The following GMDS variants were observed in gnomAD, a reference collection of about 807,000 sequenced individuals.
The protein encoded by GMDS is GDP-mannose 4,6 dehydratase.
GMDS carries 20 observed loss-of-function variants against 49.9 expected under a neutral mutation model. That is an observed-to-expected ratio of 0.40 (90% confidence interval 0.28 to 0.58). GMDS has a LOEUF of 0.58. Ranked by LOEUF, GMDS falls within the 20% of genes least tolerant of loss-of-function variation. GMDS has a pLI of 0.42. For missense variants in GMDS, 362 were observed against 481.4 expected (o/e 0.75, Z 2.32); for synonymous variants, 177 against 178.6 (o/e 0.99, Z 0.07).
chr6:2,216,596 G>A (rs781622122), intron 1 of GMDS, among the ~76,000 whole-genome samples: 1 of 152,198 alleles, frequency 6.6e-6, no homozygotes, highest in African/African-American at 2.4e-5. Context: ...GTGGCAGCAC[G>A]CACCTGCAGT....
rs182153972 is a variant in GMDS at position 2,110,092 on chromosome 6, G to A, written c.345+5679C>T. Among the ~76,000 whole-genome samples the A allele has an allele frequency of 7.0e-4, 106 of 152,172 alleles. 1 individual carries two copies. The highest frequency in any genetic ancestry group is 2.4e-3 in the African/African-American group (100 of 41,510). On this transcript the variant is annotated intron_variant, in intron 4 of 10. Transcript: ENST00000380815. Reference sequence around the variant, plus strand: ...CCCCCTATCCTTACTGTAATTACACGGTAAAGGGCCACGCTGTTGCAATTT... The same window carrying A: ...CCCCCTATCCTTACTGTAATTACACAGTAAAGGGCCACGCTGTTGCAATTT...
chr6:2,058,319 T>A (rs1178451807), intron 4 of GMDS, among the ~76,000 whole-genome samples: 3 of 138,396 alleles, frequency 2.2e-5, no homozygotes, highest in Admixed American at 7.7e-5. Flanking sequence ...CACTCCAGCC[T>A]ATGTGACAGA....
intron 9 of GMDS, among the ~76,000 whole-genome samples, chr6:1,684,239 G>A (rs532009689): frequency 1.3e-5 from 2 of 152,292 alleles, no homozygotes; most frequent in South Asian, 2.1e-4. Flanking sequence ...TGGGGCGGCT[G>A]GAAGTCTCCC....
At chr6:1,966,254 G>GA in intron 4 of GMDS, among the ~76,000 whole-genome samples, 1 of 151,758 alleles carries the variant, frequency 6.6e-6, no homozygotes, top group Non-Finnish European at 1.5e-5. Flanking sequence ...AATACTATGG[G>GA]ATGATTATGA....
At chr6:2,077,200 GT>G (rs1038049411) in intron 4 of GMDS, among the ~76,000 whole-genome samples, 2 of 151,874 alleles carry the variant, frequency 1.3e-5, no homozygotes, top group Non-Finnish European at 2.9e-5. Context: ...TGGTAGTCTT[GT>G]TTTTTTCTAA....
chr6:1,954,174 C>G (rs1425785645), intron 6 of GMDS, among the ~76,000 whole-genome samples: 7 of 152,134 alleles, frequency 4.6e-5, no homozygotes, highest in African/African-American at 1.4e-4. Context: ...TTTGAAGAAA[C>G]AATACAAAAG....
intron 1 of GMDS, among the ~76,000 whole-genome samples, chr6:2,211,828 A>C (rs1780074789): frequency 6.6e-6 from 1 of 152,244 alleles, no homozygotes. Flanking sequence ...AATGTTACCA[A>C]GTTTACGACT....
At chr6:2,024,325 G>A (rs535476405) in intron 4 of GMDS, among the ~76,000 whole-genome samples, 2 of 152,240 alleles carry the variant, frequency 1.3e-5, no homozygotes, top group African/African-American at 4.8e-5. Flanking sequence ...GAAGGAAGAT[G>A]AACTCACAAT....
intron 4 of GMDS, among the ~76,000 whole-genome samples, chr6:2,021,571 TTAATA>T (rs1435952644): frequency 6.6e-6 from 1 of 152,194 alleles, no homozygotes; most frequent in Non-Finnish European, 1.5e-5. Context: ...AAGCCAAAAA[TTAATA>T]TAATAAGTAA....
chr6:1,779,376 G>C (rs554229277), intron 7 of GMDS, among the ~76,000 whole-genome samples: 1 of 152,310 alleles, frequency 6.6e-6, no homozygotes, highest in East Asian at 1.9e-4. Flanking sequence ...AATGCCCAGG[G>C]TCACAGATCA....
intron 1 of GMDS, among the ~76,000 whole-genome samples, chr6:2,207,297 G>C (rs961779737): frequency 1.3e-5 from 2 of 151,904 alleles, no homozygotes; most frequent in Non-Finnish European, 2.9e-5. Flanking sequence ...AGGCACAGGG[G>C]ACATGTCTCC....
At chr6:1,715,780 A>G (rs2113407326) in intron 9 of GMDS, among the ~76,000 whole-genome samples, 1 of 152,370 alleles carries the variant, frequency 6.6e-6, no homozygotes, top group African/African-American at 2.4e-5. Flanking sequence ...AGCTAGTAGG[A>G]CATATTCAAA....
chr6:1,947,464 C>T (rs1423879456), intron 6 of GMDS, among the ~76,000 whole-genome samples: 1 of 152,206 alleles, frequency 6.6e-6, no homozygotes, highest in African/African-American at 2.4e-5. Context: ...TTAGGGCCTC[C>T]CTTATTCCTC....
chr6:2,238,652 T>C (rs762391235), intron 1 of GMDS, among the ~76,000 whole-genome samples: 1 of 152,194 alleles, frequency 6.6e-6, no homozygotes, highest in African/African-American at 2.4e-5. Flanking sequence ...GGCCTTATTA[T>C]AATATAATCA....
intron 4 of GMDS, among the ~76,000 whole-genome samples, chr6:2,099,280 C>T (rs1359067926): frequency 6.6e-6 from 1 of 152,052 alleles, no homozygotes; most frequent in Non-Finnish European, 1.5e-5. Flanking sequence ...GAAATTTCTG[C>T]AAAGTTGTAC....
chr6:2,219,671 C>T (rs1024985401), intron 1 of GMDS, among the ~76,000 whole-genome samples: 1 of 152,146 alleles, frequency 6.6e-6, no homozygotes, highest in African/African-American at 2.4e-5. Flanking sequence ...CAGTAACAAA[C>T]AGAGCACCGA....
chr6:2,075,274 G>C (rs1229312377), intron 4 of GMDS, among the ~76,000 whole-genome samples: 2 of 151,860 alleles, frequency 1.3e-5, no homozygotes, highest in Middle Eastern at 3.2e-3. Context: ...CAGGAAAGTG[G>C]ATTTTTTAAA....
chr6:1,872,235 G>T (rs1394932219), intron 7 of GMDS, among the ~76,000 whole-genome samples: 1 of 152,242 alleles, frequency 6.6e-6, no homozygotes, highest in African/African-American at 2.4e-5. Flanking sequence ...GGGCTGGCTA[G>T]CAGGGATTGC....
At chr6:2,060,011 T>TA (rs956592556) in intron 4 of GMDS, among the ~76,000 whole-genome samples, 2 of 151,906 alleles carry the variant, frequency 1.3e-5, no homozygotes, top group Non-Finnish European at 2.9e-5. Context: ...TTTTCAAAAT[T>TA]AAAAAAAATA....
Sources: allele counts gnomAD v4.1 joint callset (sites outside exome capture counted in the v4.1 genomes callset), GRCh38; gene constraint gnomAD v4.1.1; transcripts MANE v1.5; gene names NCBI Gene and HGNC (gene_info 2026-07-23, HGNC 2026-07-21).